Variants in PCDH7 observed in about 807,000 individuals in gnomAD.
The protein encoded by PCDH7 is protocadherin-7.
Under a neutral mutation model 58.9 loss-of-function variants are expected in PCDH7, and 17 were observed. The observed-to-expected ratio is 0.29, with a 90% CI of 0.20 to 0.43. PCDH7 has a LOEUF of 0.43. PCDH7 is among the 20% of genes least tolerant of loss of function. The probability of loss-of-function intolerance (pLI) is 1.00; values close to 1 mark genes in which losing one functional copy is unlikely to be tolerated. For synonymous variants in PCDH7, 664 were observed against 616.4 expected, an observed-to-expected ratio of 1.08 and a Z score of -1.14; for missense variants, 1,274 against 1,441.0, an observed-to-expected ratio of 0.88 and a Z score of 1.88.
exon 2 of PCDH7, chr4:30,731,974 A>G: frequency 6.6e-6 from 1 of 152,154 alleles, no homozygotes; most frequent in East Asian, 1.9e-4. Context: ...GGGAACTAAG[A>G]ATGCCAAATT....
intron 1 of PCDH7, among the ~76,000 whole-genome samples, chr4:30,740,363 C>G (rs1201873909): frequency 6.6e-6 from 1 of 152,136 alleles, no homozygotes; most frequent in Non-Finnish European, 1.5e-5. Context: ...CACCTTAAAT[C>G]TTACCTTATG....
At chr4:30,938,050 G>A (rs1277636236) in intron 2 of PCDH7, among the ~76,000 whole-genome samples, 2 of 151,988 alleles carry the variant, frequency 1.3e-5, no homozygotes, top group Non-Finnish European at 1.5e-5. Flanking sequence ...ATAAGGTAGG[G>A]CATTTCTGAA....
At position 30,722,971 on chromosome 4, in the gene PCDH7, A is replaced by C; in HGVS notation, c.1549A>C (p.Ser517Arg). 6.2e-7 allele frequency: 1 copy of C among 1,613,708 alleles called. No homozygotes were observed. The highest frequency in any genetic ancestry group is 8.5e-7 in the Non-Finnish European group (1 of 1,180,018). The change falls in exon 1 of 2, where the codon AGC becomes CGC. Residue 517 changes from serine (S) to arginine (R), a missense_variant. Physicochemically the swap from Ser to Arg is moderately radical, Grantham distance 110. Transcript: ENST00000361762. The surrounding 1 kb of genome is among the most constrained non-coding windows in gnomAD (Gnocchi z 7.6). ...GGACTCAGGCAGCCCCAGCCTCTCG[A>C]GCAACAACTCCCTGATTGTCAAGGT...
chr4:31,000,025 T>G (rs1276025914), intron 3 of PCDH7, among the ~76,000 whole-genome samples: 2 of 152,260 alleles, frequency 1.3e-5, no homozygotes, highest in South Asian at 2.1e-4. Flanking sequence ...TTTATAAAAC[T>G]TATAATGCAA....
intron 1 of PCDH7, among the ~76,000 whole-genome samples, chr4:30,912,224 C>T (rs530154588): frequency 3.3e-5 from 5 of 152,248 alleles, no homozygotes; most frequent in Middle Eastern, 3.4e-3. Context: ...AAAGGCCTAA[C>T]TAAAGTTTGT....
intron 2 of PCDH7, among the ~76,000 whole-genome samples, chr4:30,938,570 A>T (rs1295905200): frequency 6.6e-6 from 1 of 152,076 alleles, no homozygotes; most frequent in Non-Finnish European, 1.5e-5. Context: ...CCTCTTGGAA[A>T]TATTTTGAGT....
chr4:30,783,703 A>G (rs1400224744), intron 1 of PCDH7, among the ~76,000 whole-genome samples: 1 of 152,112 alleles, frequency 6.6e-6, no homozygotes, highest in Non-Finnish European at 1.5e-5. Context: ...TTCTTTTCCA[A>G]TTCTCTGCAT....
intron 3 of PCDH7, among the ~76,000 whole-genome samples, chr4:31,017,577 A>G (rs1252209857): frequency 1.3e-5 from 2 of 152,188 alleles, no homozygotes; most frequent in African/African-American, 2.4e-5. Flanking sequence ...TTTGACACAC[A>G]CACATATATA....
At chr4:30,848,178 T>C (rs985456125) in intron 1 of PCDH7, among the ~76,000 whole-genome samples, 1 of 152,126 alleles carries the variant, frequency 6.6e-6, no homozygotes, top group Non-Finnish European at 1.5e-5. Flanking sequence ...CTGAAATAGT[T>C]TTAATGAAGA....
At chr4:30,894,594 CACAT>C (rs1407982828) in intron 1 of PCDH7, among the ~76,000 whole-genome samples, 13 of 100,554 alleles carry the variant, frequency 1.3e-4, no homozygotes, top group African/African-American at 3.7e-4. Flanking sequence ...TACACACACA[CACAT>C]ATATATATAT....
In PCDH7 at chr4:31,060,339, C is replaced by T. The variant is rs144134128; in HGVS notation, c.*8-82134C>T. ...TTGGGGTCACTTAATTATACTTTTGCTAGCATTCATGTATAAAGAAACCTT... is the reference window on the plus strand; with the variant it reads ...TTGGGGTCACTTAATTATACTTTTGTTAGCATTCATGTATAAAGAAACCTT... On this transcript the variant is annotated intron_variant, in intron 3 of 3. Transcript: ENST00000509759. Among the ~76,000 whole-genome samples the T allele has an allele frequency of 6.6e-5, 10 of 151,838 alleles. No individual in the cohort carries two copies. In the East Asian group the frequency reaches 1.7e-3, roughly 26 times the overall value.
intron 2 of PCDH7, among the ~76,000 whole-genome samples, chr4:30,947,004 G>A (rs778699479): frequency 1.3e-5 from 2 of 152,014 alleles, no homozygotes; most frequent in Non-Finnish European, 1.5e-5. Context: ...GAGCCACTGC[G>A]CCCAGCCTTA....
At chr4:30,885,402 T>A (rs1339147869) in intron 1 of PCDH7, among the ~76,000 whole-genome samples, 6 of 152,180 alleles carry the variant, frequency 3.9e-5, no homozygotes, top group Admixed American at 6.5e-5. Flanking sequence ...GTGAATCAAA[T>A]GAATTAATAA....
intron 3 of PCDH7, among the ~76,000 whole-genome samples, chr4:31,120,622 T>G (rs1717575222): frequency 6.6e-6 from 1 of 152,068 alleles, no homozygotes; most frequent in Non-Finnish European, 1.5e-5. Context: ...TATCTAGAAA[T>G]TTGAGGTGCA....
chr4:31,114,148 T>C (rs1438858065), intron 3 of PCDH7, among the ~76,000 whole-genome samples: 3 of 152,180 alleles, frequency 2.0e-5, no homozygotes, highest in Non-Finnish European at 4.4e-5. Context: ...ATTTAAGCAT[T>C]TTTAATCTAT....
chr4:30,936,295 G>A (rs988164678), intron 2 of PCDH7, among the ~76,000 whole-genome samples: 1 of 151,906 alleles, frequency 6.6e-6, no homozygotes, highest in Non-Finnish European at 1.5e-5. Flanking sequence ...GAAAGTTGTA[G>A]TTAATACCTG....
chr4:31,138,252 AT>A (rs1719852677), intron 3 of PCDH7, among the ~76,000 whole-genome samples: 1 of 152,162 alleles, frequency 6.6e-6, no homozygotes, highest in African/African-American at 2.4e-5. Flanking sequence ...CAAAAATACT[AT>A]GTTTTTGAGA....
At chr4:30,823,868 G>T (rs1728683122) in intron 1 of PCDH7, among the ~76,000 whole-genome samples, 2 of 152,030 alleles carry the variant, frequency 1.3e-5, no homozygotes, top group South Asian at 4.1e-4. Flanking sequence ...TAATTTTAGG[G>T]TTATCATTTA....
rs73812530 is a variant in PCDH7, at chr4:31,096,576, G to A, written c.*8-45897G>A. Among the ~76,000 whole-genome samples the A allele has an allele frequency of 4.5e-3, 690 of 152,276 alleles. 6 individuals are homozygous for A. The highest frequency in any genetic ancestry group is 0.016 in the African/African-American group (658 of 41,558). ...CCTCAGAAGGTTGAGTTAAATCTAT[G>A]TCTAGAGTTTAAAAACAAATAAATA... On this transcript the variant is annotated intron_variant, in intron 3 of 3. Transcript: ENST00000509759.
Sources: allele counts gnomAD v4.1 joint callset (sites outside exome capture counted in the v4.1 genomes callset), GRCh38; gene constraint gnomAD v4.1.1; non-coding constraint Gnocchi (gnomAD v3.1); transcripts MANE v1.5; gene names NCBI Gene and HGNC (gene_info 2026-07-23, HGNC 2026-07-21).